TMEM132D: variants seen among roughly 807,000 people sequenced by gnomAD.
TMEM132D encodes transmembrane protein 132D.
Under a neutral mutation model 62.3 loss-of-function variants are expected in TMEM132D, and 21 were observed. The ratio of observed to expected loss-of-function variants is 0.34; its 90% CI spans 0.24 to 0.49. TMEM132D has a LOEUF of 0.49. Among genes scored for constraint, TMEM132D ranks in the 20% least tolerant of loss-of-function variants. The pLI is 0.99. For synonymous variants in TMEM132D, 621 were observed against 575.6 expected, an observed-to-expected ratio of 1.08 and a Z score of -1.13; for missense variants, 1,346 against 1,402.8, an observed-to-expected ratio of 0.96 and a Z score of 0.65.
chr12:129,152,304 C>T (rs1877097249), intron 5 of TMEM132D, among the ~76,000 whole-genome samples: 1 of 152,206 alleles, frequency 6.6e-6, no homozygotes, highest in South Asian at 2.1e-4. Context: ...CTCCACATCT[C>T]TGCTAACCTA....
At chr12:129,293,164 C>T (rs1240598234) in intron 4 of TMEM132D, among the ~76,000 whole-genome samples, 1 of 152,136 alleles carries the variant, frequency 6.6e-6, no homozygotes, top group Non-Finnish European at 1.5e-5. Context: ...GGAGGCAGTG[C>T]AAGCATCCTC....
chr12:129,725,183 A>C (rs1289549208), intron 1 of TMEM132D, among the ~76,000 whole-genome samples: 1 of 152,204 alleles, frequency 6.6e-6, no homozygotes, highest in African/African-American at 2.4e-5. Flanking sequence ...GTGGCTTTTC[A>C]TTTACTGTGG....
intron 3 of TMEM132D, among the ~76,000 whole-genome samples, chr12:129,340,862 T>C (rs571954438): frequency 6.6e-6 from 1 of 152,334 alleles, no homozygotes; most frequent in African/African-American, 2.4e-5. Flanking sequence ...TATACCAACC[T>C]TCAGGAAGGT....
At chr12:129,509,479 C>T (rs995288916) in intron 3 of TMEM132D, among the ~76,000 whole-genome samples, 1 of 151,978 alleles carries the variant, frequency 6.6e-6, no homozygotes, top group Admixed American at 6.5e-5. Flanking sequence ...ATGTTACAAT[C>T]CAATTATATT....
chr12:129,546,477 C>G (rs192591157), intron 2 of TMEM132D, among the ~76,000 whole-genome samples: 4 of 152,030 alleles, frequency 2.6e-5, no homozygotes, highest in African/African-American at 4.8e-5. Flanking sequence ...CTTTAGAGCA[C>G]GTATATTAAC....
chr12:129,100,841 A>T (rs1875281781), intron 5 of TMEM132D, among the ~76,000 whole-genome samples: 1 of 152,170 alleles, frequency 6.6e-6, no homozygotes, highest in African/African-American at 2.4e-5. Flanking sequence ...TTACAACTAA[A>T]CCTAAATGAA....
chr12:129,633,935 GAAC>G (rs1879414075), intron 2 of TMEM132D, among the ~76,000 whole-genome samples: 1 of 151,934 alleles, frequency 6.6e-6, no homozygotes, highest in Non-Finnish European at 1.5e-5. Flanking sequence ...TAAGTTAATA[GAAC>G]AATATTAAAA....
chr12:129,225,815 G>A (rs1363581570), intron 4 of TMEM132D, among the ~76,000 whole-genome samples: 1 of 152,214 alleles, frequency 6.6e-6, no homozygotes, highest in African/African-American at 2.4e-5. Context: ...ATGCACTCAA[G>A]TTTGTCCTGC....
At chr12:129,739,371 G>A (rs1869527556) in intron 1 of TMEM132D, among the ~76,000 whole-genome samples, 2 of 152,182 alleles carry the variant, frequency 1.3e-5, no homozygotes, top group South Asian at 2.1e-4. Flanking sequence ...CGAGGGGATG[G>A]AGGGAGCTGT....
intron 1 of TMEM132D, among the ~76,000 whole-genome samples, chr12:129,709,792 G>A (rs1440102507): frequency 6.6e-6 from 1 of 152,142 alleles, no homozygotes; most frequent in East Asian, 1.9e-4. Context: ...AGGATGTTTA[G>A]CTTATAACAC....
chr12:129,662,580 G>A lies in TMEM132D; in HGVS notation c.968+37230C>T, dbSNP rs138663493. ...GAGGCCAAGGCAGGCGGATCACGAG[G>A]TCAAGAGATCAAGACCATCCTGGCC... On this transcript the variant is annotated intron_variant, in intron 2 of 8. Transcript: ENST00000422113. Among the ~76,000 whole-genome samples, 401 of 152,252 alleles carry A rather than the reference G, an allele frequency of 2.6e-3. 1 individual carries two copies. The highest frequency in any genetic ancestry group is 9.1e-3 in the African/African-American group (377 of 41,550).
chr12:129,658,032 C>T (rs1880138567), intron 2 of TMEM132D, among the ~76,000 whole-genome samples: 1 of 152,176 alleles, frequency 6.6e-6, no homozygotes, highest in African/African-American at 2.4e-5. Context: ...GCATTGAAAT[C>T]AAACACCATG....
chr12:129,725,092 C>T (rs1245904211), intron 1 of TMEM132D, among the ~76,000 whole-genome samples: 3 of 152,208 alleles, frequency 2.0e-5, no homozygotes, highest in Admixed American at 1.3e-4. Flanking sequence ...GTGCCCAAGA[C>T]AGTGGAGGCT....
At chr12:129,240,397 G>A (rs1235107766) in intron 4 of TMEM132D, among the ~76,000 whole-genome samples, 5 of 152,080 alleles carry the variant, frequency 3.3e-5, no homozygotes, top group African/African-American at 4.8e-5. Context: ...TTAAGTAGAC[G>A]CTATATTAAA....
chr12:129,793,895 G>A (rs568367429), intron 1 of TMEM132D, among the ~76,000 whole-genome samples: 2 of 152,178 alleles, frequency 1.3e-5, no homozygotes, highest in East Asian at 3.9e-4. Flanking sequence ...TTTGCCTATG[G>A]TGTTGTAGAC....
chr12:129,473,318 G>GTTTTTTTT (rs1441231858), intron 3 of TMEM132D, among the ~76,000 whole-genome samples: 6 of 57,784 alleles, frequency 1.0e-4, no homozygotes, highest in Non-Finnish European at 1.3e-4. Flanking sequence ...AGTGATTTTA[G>GTTTTTTTT]TTTTTGTTTT....
intron 2 of TMEM132D, among the ~76,000 whole-genome samples, chr12:129,570,580 G>C (rs755174018): frequency 5.3e-5 from 8 of 152,164 alleles, no homozygotes; most frequent in Non-Finnish European, 7.3e-5. Context: ...GCTACCCTAG[G>C]GCAAATGTAA....
At chr12:129,710,238 T>C (rs1881607475) in intron 1 of TMEM132D, among the ~76,000 whole-genome samples, 1 of 152,178 alleles carries the variant, frequency 6.6e-6, no homozygotes, top group African/African-American at 2.4e-5. Flanking sequence ...CTAAGTGTTG[T>C]GTTTTCCTTT....
chr12:129,786,121 T>A (rs1871241952), intron 1 of TMEM132D, among the ~76,000 whole-genome samples: 1 of 152,140 alleles, frequency 6.6e-6, no homozygotes, highest in Non-Finnish European at 1.5e-5. Context: ...CCCCCAGGCC[T>A]GGGCTATGTC....
Sources: allele counts gnomAD v4.1 joint callset (sites outside exome capture counted in the v4.1 genomes callset), GRCh38; gene constraint gnomAD v4.1.1; transcripts MANE v1.5; gene names NCBI Gene and HGNC (gene_info 2026-07-23, HGNC 2026-07-21).